The following PIWIL3 variants were observed in gnomAD, a reference collection of about 807,000 sequenced individuals.
The protein encoded by PIWIL3 is piwi like RNA-mediated gene silencing 3.
A neutral mutation model predicts 109.7 loss-of-function variants in PIWIL3; 101 were observed. The ratio of observed to expected loss-of-function variants is 0.92; its 90% CI spans 0.78 to 1.09. PIWIL3 has a LOEUF of 1.09. Ranked by LOEUF, PIWIL3 falls within the 50% of genes least tolerant of loss-of-function variation. The probability of loss-of-function intolerance (pLI) is 0.00; values close to 1 mark genes in which losing one functional copy is unlikely to be tolerated. For synonymous variants in PIWIL3, 373 were observed against 376.4 expected (o/e 0.99, Z 0.10); for missense variants, 1,031 against 1,072.6 (o/e 0.96, Z 0.54).
intron 5 of PIWIL3, 117 bp from the exon 6 acceptor site, chr22:24,756,022 G>T: frequency 9.0e-7 from 1 of 1,108,154 alleles, no homozygotes; most frequent in Non-Finnish European, 1.3e-6. Context: ...TGATGGAGCA[G>T]TCTTTCCCAC....
intron 16 of PIWIL3, among the ~76,000 whole-genome samples, chr22:24,727,332 C>A (rs1923057396): frequency 6.6e-6 from 1 of 151,534 alleles, no homozygotes; most frequent in South Asian, 2.1e-4. Context: ...TACATGAGCT[C>A]CTTTAAAAGC....
At chr22:24,772,510 T>C (rs1209064121) in intron 1 of PIWIL3, among the ~76,000 whole-genome samples, 2 of 152,106 alleles carry the variant, frequency 1.3e-5, no homozygotes, top group South Asian at 2.1e-4. Flanking sequence ...CAGGGGCCTG[T>C]GGGGGTTACA....
chr22:24,757,079 C>CAAAAAAAAAAAAAAAAAAAAAAA (rs71189275), intron 4 of PIWIL3, among the ~76,000 whole-genome samples: 72 of 91,718 alleles, frequency 7.9e-4, no homozygotes, highest in Non-Finnish European at 1.1e-3. Flanking sequence ...AACTCCGTCT[C>CAAAAAAAAAAAAAAAAAAAAAAA]AAAAAAAAAA....
intron 11 of PIWIL3, 63 bp from the exon 12 acceptor site, chr22:24,749,084 G>T: frequency 3.1e-6 from 4 of 1,307,788 alleles, no homozygotes; most frequent in African/African-American, 1.5e-5. Flanking sequence ...AGCCATTTGT[G>T]CAAGGCAATT....
chr22:24,759,902 T>C lies in PIWIL3; in HGVS notation c.190A>G (p.Arg64Gly), dbSNP rs201419726. ...VVRPLQPRAA[R>G]GGAGGGAQSQ... ...TGTGCTCCTCCTCCTGCTCCTCCTC[T>C]TGCTGCTCTTGGCTGCAGAGGTCTA... Residue 64 changes from arginine to glycine, a missense_variant, in exon 3 of 21, where the codon AGA (arginine) becomes GGA (glycine). Transcript: ENST00000616349. The C allele has an allele frequency of 6.2e-7, 1 of 1,602,458 alleles. No homozygotes were observed. The highest frequency in any genetic ancestry group is 8.6e-7 in the Non-Finnish European group (1 of 1,169,338).
At chr22:24,755,232 C>T (rs1924952322) in intron 6 of PIWIL3, among the ~76,000 whole-genome samples, 2 of 152,192 alleles carry the variant, frequency 1.3e-5, no homozygotes, top group Non-Finnish European at 2.9e-5. Context: ...AAGTGATTCT[C>T]CCGCCTCAGC....
intron 12 of PIWIL3, among the ~76,000 whole-genome samples, chr22:24,744,193 A>AAAAAAAAAAC (rs1924202553): frequency 6.9e-6 from 1 of 145,402 alleles, no homozygotes; most frequent in Non-Finnish European, 1.5e-5. Flanking sequence ...AAAAAAAAAA[A>AAAAAAAAAAC]AAAAAAAAAA....
rs1478374371 is a variant in PIWIL3 at position 24,728,275 on chromosome 22, T to C, written c.1807A>G (p.Lys603Glu). The C allele has an allele frequency of 6.2e-7, 1 of 1,614,222 alleles. No homozygotes were observed. ...CPIPSQCVVK[K>E]TLEKVQARTI... is the part of the protein sequence containing the mutation. ...CTTGCCTGGACTTTTTCTAAGGTCT[T>C]TTTCACCACACACTGGCTTGGAATT... The change falls in exon 15 of 21, where the codon AAG becomes GAG. Residue 603 changes from lysine (K) to glutamate (E), a missense_variant. Lys to Glu is a moderately conservative substitution (Grantham distance 56). Coordinates refer to ENST00000616349, the MANE Select transcript of PIWIL3 (RefSeq NM_001255975.1).
intron 6 of PIWIL3, 26 bp downstream of exon 6, chr22:24,755,758 A>G: frequency 6.2e-7 from 1 of 1,613,176 alleles, no homozygotes; most frequent in East Asian, 2.2e-5. Flanking sequence ...AATGAGTATC[A>G]AAGAAACTCA....
At chr22:24,734,307 C>T (rs1601829160) in intron 13 of PIWIL3, 151 bp from the exon 14 acceptor site, 1 of 1,286,590 alleles carries the variant, frequency 7.8e-7, no homozygotes, top group African/African-American at 1.5e-5. Flanking sequence ...AGACAGTAGA[C>T]TTTCAGTTTC....
chr22:24,725,316 CTCCACCCCAG>C (rs1280115262), intron 17 of PIWIL3, 119 bp downstream of exon 17: 2 of 1,156,088 alleles, frequency 1.7e-6, no homozygotes, highest in African/African-American at 3.1e-5. Context: ...CCAGTAGCAC[CTCCACCCCAG>C]TTGTGACACC....
At chr22:24,736,851 T>G (rs1923686651) in intron 12 of PIWIL3, among the ~76,000 whole-genome samples, 1 of 152,228 alleles carries the variant, frequency 6.6e-6, no homozygotes, top group African/African-American at 2.4e-5. Context: ...TGTCCTCAGC[T>G]GATGGCCACC....
In PIWIL3 at chr22:24,725,464, C is replaced by A. The variant is rs993549801; in HGVS notation, c.2061G>T (p.Glu687Asp). 6.2e-7 allele frequency: 1 copy of A among 1,614,026 alleles called. No individual in the cohort carries two copies. The highest frequency in any genetic ancestry group is 1.7e-5 in the Admixed American group (1 of 60,038). ...ACTGACCTTTCAAGCAGATCTCCAG[C>A]TCTTTCACAAGCTCTTCTCCTGTTT... Reference protein sequence around the residue: ...IQKTGEELVKELEICLKAALD... With the variant: ...IQKTGEELVKDLEICLKAALD... The change falls in exon 17 of 21, where the codon GAG (glutamate) becomes GAT (aspartate). Residue 687 changes from glutamate to aspartate, a missense_variant. Physicochemically the swap from Glu to Asp is conservative, Grantham distance 45. Transcript: ENST00000616349.
At chr22:24,729,343 C>T (rs1304305937) in intron 14 of PIWIL3, among the ~76,000 whole-genome samples, 2 of 152,074 alleles carry the variant, frequency 1.3e-5, no homozygotes, top group African/African-American at 2.4e-5. Context: ...CGGATAACAC[C>T]GCAGACGACG....
intron 1 of PIWIL3, among the ~76,000 whole-genome samples, chr22:24,773,778 G>C (rs553308554): frequency 7.1e-6 from 1 of 141,712 alleles, no homozygotes; most frequent in Non-Finnish European, 1.5e-5. Flanking sequence ...ACAGTGGTGC[G>C]ATCTTGGCTC....
intron 9 of PIWIL3, among the ~76,000 whole-genome samples, chr22:24,750,547 G>A (rs570118164): frequency 3.4e-4 from 48 of 142,292 alleles, no homozygotes; most frequent in East Asian, 8.4e-4. Context: ...GGAGTGCAAC[G>A]GCGCGATCTT....
At chr22:24,758,597 G>A (rs1042325674) in intron 3 of PIWIL3, among the ~76,000 whole-genome samples, 8 of 152,126 alleles carry the variant, frequency 5.3e-5, no homozygotes, top group African/African-American at 1.4e-4. Flanking sequence ...GAAGGAATAC[G>A]CACACGTTAT....
At chr22:24,725,223 G>A (rs1423298799) in intron 17 of PIWIL3, among the ~76,000 whole-genome samples, 186 bp from the exon 18 acceptor site, 1 of 152,152 alleles carries the variant, frequency 6.6e-6, no homozygotes, top group Non-Finnish European at 1.5e-5. Context: ...GAGAATCTGT[G>A]GTGGAGGTGG....
chr22:24,757,075 G>A (rs1459995527), intron 4 of PIWIL3, among the ~76,000 whole-genome samples: 20 of 55,370 alleles, frequency 3.6e-4, no homozygotes, highest in African/African-American at 1.3e-3. Context: ...GCTAAACTCC[G>A]TCTCAAAAAA....
Sources: allele counts gnomAD v4.1 joint callset (sites outside exome capture counted in the v4.1 genomes callset), GRCh38; gene constraint gnomAD v4.1.1; transcripts MANE v1.5; gene names NCBI Gene and HGNC (gene_info 2026-07-23, HGNC 2026-07-21).